EYS: variants seen among roughly 807,000 people sequenced by gnomAD.
EYS encodes the protein protein eyes shut homolog.
Under a neutral mutation model 282.1 loss-of-function variants are expected in EYS, and 250 were observed. That is an observed-to-expected ratio of 0.89 (90% CI 0.80 to 0.98). The LOEUF (loss-of-function observed/expected upper bound fraction) is 0.98, where lower values mean the gene tolerates loss of function less well. Among genes scored for constraint, EYS ranks in the 50% least tolerant of loss-of-function variants. EYS has a pLI of 0.00. For missense variants in EYS, 4,016 were observed against 3,709.0 expected (o/e 1.08, Z -2.15); for synonymous variants, 1,355 against 1,282.9 (o/e 1.06, Z -1.20).
chr6:65,314,231 C>G (rs1246672647), intron 11 of EYS, among the ~76,000 whole-genome samples: 1 of 150,762 alleles, frequency 6.6e-6, no homozygotes, highest in Admixed American at 6.6e-5. Context: ...AAAATCGAAA[C>G]CCCCCCTCCA....
intron 12 of EYS, among the ~76,000 whole-genome samples, chr6:65,232,328 G>A (rs1040618541): frequency 1.3e-5 from 2 of 152,074 alleles, no homozygotes; most frequent in Admixed American, 1.3e-4. Flanking sequence ...AATCACGCAT[G>A]TGGTACTTTC....
intron 12 of EYS, among the ~76,000 whole-genome samples, chr6:65,289,916 C>A (rs192026690): frequency 7.9e-5 from 12 of 151,238 alleles, no homozygotes; most frequent in African/African-American, 2.7e-4. Flanking sequence ...ATTAATGATA[C>A]ATTAACACTG....
chr6:64,509,991 T>G (rs983022542), intron 26 of EYS, among the ~76,000 whole-genome samples: 12 of 152,246 alleles, frequency 7.9e-5, no homozygotes, highest in Non-Finnish European at 1.2e-4. Context: ...TTTATTATTT[T>G]GTTCTCCCAA....
chr6:64,869,842 A>C (rs2150053328), intron 19 of EYS, among the ~76,000 whole-genome samples: 1 of 151,766 alleles, frequency 6.6e-6, no homozygotes, highest in African/African-American at 2.4e-5. Context: ...GGGAGTTATA[A>C]GATCTTTTTT....
At chr6:64,565,955 TAA>T (rs556439758) in intron 26 of EYS, among the ~76,000 whole-genome samples, 4,282 of 133,270 alleles carry the variant, frequency 0.032, 139 homozygotes, top group East Asian at 0.11. Context: ...TCATACAAAT[TAA>T]AAAAAAAAAA....
At chr6:65,422,972 T>C (rs1183331992) in intron 5 of EYS, among the ~76,000 whole-genome samples, 2 of 151,782 alleles carry the variant, frequency 1.3e-5, no homozygotes, top group African/African-American at 4.8e-5. Context: ...TTATAACATA[T>C]ATATAATTTT....
intron 2 of EYS, among the ~76,000 whole-genome samples, chr6:65,611,074 T>G (rs1450839397): frequency 6.6e-6 from 1 of 152,028 alleles, no homozygotes; most frequent in Non-Finnish European, 1.5e-5. Flanking sequence ...TTTGGCTTGA[T>G]AATTTAATAA....
chr6:65,269,133 A>T (rs1256786706), intron 12 of EYS, among the ~76,000 whole-genome samples: 1 of 152,086 alleles, frequency 6.6e-6, no homozygotes, highest in Non-Finnish European at 1.5e-5. Context: ...TGACAACCAA[A>T]TCCTGCTCAA....
chr6:65,438,056 T>C (rs901124417), intron 5 of EYS, among the ~76,000 whole-genome samples: 3 of 139,798 alleles, frequency 2.1e-5, no homozygotes, highest in African/African-American at 5.3e-5. Flanking sequence ...CTGCCCTGTG[T>C]CCAAGTGTTC....
At chr6:65,419,760 C>G (rs1767382545) in intron 5 of EYS, among the ~76,000 whole-genome samples, 1 of 151,540 alleles carries the variant, frequency 6.6e-6, no homozygotes, top group Non-Finnish European at 1.5e-5. Context: ...TTTTGAAAAC[C>G]AAAGTGGTAA....
chr6:64,266,200 TACA>T (rs1450484934), intron 30 of EYS, among the ~76,000 whole-genome samples: 1 of 152,142 alleles, frequency 6.6e-6, no homozygotes, highest in Non-Finnish European at 1.5e-5. Flanking sequence ...ATTATAAGTG[TACA>T]ACACCCAGAC....
chr6:64,935,552 GA>G (rs1768879622), intron 15 of EYS, among the ~76,000 whole-genome samples: 1 of 151,316 alleles, frequency 6.6e-6, no homozygotes, highest in Non-Finnish European at 1.5e-5. Flanking sequence ...TTCCAAAACT[GA>G]AAAACCATTA....
intron 19 of EYS, among the ~76,000 whole-genome samples, chr6:64,850,848 G>A (rs138952971): frequency 2.0e-5 from 3 of 152,086 alleles, no homozygotes; most frequent in African/African-American, 2.4e-5. Context: ...AGATAGACAT[G>A]ATTTATTTTG....
intron 2 of EYS, among the ~76,000 whole-genome samples, chr6:65,533,789 GA>G (rs1222981125): frequency 6.6e-6 from 1 of 151,892 alleles, no homozygotes; most frequent in African/African-American, 2.4e-5. Context: ...CTCTAGAACT[GA>G]AAAAAATACA....
chr6:64,902,026 T>G (rs1337443987), intron 18 of EYS, 87 bp downstream of exon 18: 1 of 849,940 alleles, frequency 1.2e-6, no homozygotes, highest in Non-Finnish European at 1.8e-6. Context: ...ATCAGCTGCC[T>G]TAGTTACATA....
chr6:64,720,416 G>A (rs1420326489), intron 22 of EYS, among the ~76,000 whole-genome samples: 1 of 152,276 alleles, frequency 6.6e-6, no homozygotes, highest in East Asian at 1.9e-4. Context: ...GCCCTGTAAA[G>A]TAGAATATTC....
chr6:64,935,973 G>A (rs566208186), intron 15 of EYS, among the ~76,000 whole-genome samples: 75 of 151,572 alleles, frequency 4.9e-4, no homozygotes, highest in Non-Finnish European at 8.3e-4. Context: ...TCTAAATCCA[G>A]TCAAAGATAT....
intron 30 of EYS, among the ~76,000 whole-genome samples, chr6:64,249,234 A>G (rs1411544873): frequency 1.3e-5 from 2 of 152,166 alleles, no homozygotes; most frequent in Non-Finnish European, 2.9e-5. Flanking sequence ...TTGCAGCAAC[A>G]TGAAAGGAAC....
chr6:65,330,687 C>A, intron 11 of EYS: 1 of 940,778 alleles, frequency 1.1e-6, no homozygotes, highest in Non-Finnish European at 1.3e-6. Flanking sequence ...TTATTAGTGT[C>A]TATCATTATA....
Sources: allele counts gnomAD v4.1 joint callset (sites outside exome capture counted in the v4.1 genomes callset), GRCh38; gene constraint gnomAD v4.1.1; transcripts MANE v1.5; gene names NCBI Gene and HGNC (gene_info 2026-07-23, HGNC 2026-07-21).